The following TANK variants were observed in gnomAD, a reference collection of about 807,000 sequenced individuals.
TANK encodes the protein TRAF family member associated NFKB activator, also known as TRAF family member-associated NF-kappa-B activator.
Under a neutral mutation model 43.6 loss-of-function variants are expected in TANK, and 15 were observed. The ratio of observed to expected loss-of-function variants is 0.34; its 90% CI spans 0.23 to 0.53. The LOEUF (loss-of-function observed/expected upper bound fraction) is 0.53, where lower values mean the gene tolerates loss of function less well. Among genes scored for constraint, TANK ranks in the 20% least tolerant of loss-of-function variants. The probability of loss-of-function intolerance (pLI) is 0.94; values close to 1 mark genes in which losing one functional copy is unlikely to be tolerated. For synonymous variants in TANK, 162 were observed against 178.2 expected (o/e 0.91, Z 0.73); for missense variants, 417 against 498.6 (o/e 0.84, Z 1.56).
intron 2 of TANK, among the ~76,000 whole-genome samples, chr2:161,191,679 T>C (rs187427392): frequency 6.6e-5 from 10 of 152,356 alleles, no homozygotes; most frequent in Admixed American, 5.9e-4. Flanking sequence ...CACAAACTTC[T>C]TGTCTATAAC....
chr2:161,148,063 TG>T (rs1683967455), intron 1 of TANK, among the ~76,000 whole-genome samples: 1 of 152,200 alleles, frequency 6.6e-6, no homozygotes, highest in Non-Finnish European at 1.5e-5. Flanking sequence ...TGGGGTCATT[TG>T]GTAATTCTAT....
At chr2:161,178,612 C>A (rs1685278985) in intron 1 of TANK, among the ~76,000 whole-genome samples, 1 of 151,838 alleles carries the variant, frequency 6.6e-6, no homozygotes, top group Non-Finnish European at 1.5e-5. Flanking sequence ...AATGAATATT[C>A]TAAAAAATAC....
chr2:161,147,391 T>C (rs1683945784), intron 1 of TANK, among the ~76,000 whole-genome samples: 1 of 151,722 alleles, frequency 6.6e-6, no homozygotes, highest in African/African-American at 2.4e-5. Flanking sequence ...AGATTCTAGC[T>C]GAGTGGCTGT....
chr2:161,185,696 A>G (rs1685627085), intron 2 of TANK, among the ~76,000 whole-genome samples: 1 of 117,132 alleles, frequency 8.5e-6, no homozygotes, highest in African/African-American at 3.4e-5. Context: ...GGAATATCAC[A>G]CTCTGGGGAC....
chr2:161,172,976 T>C (rs1403920291), intron 1 of TANK, among the ~76,000 whole-genome samples: 2 of 152,172 alleles, frequency 1.3e-5, no homozygotes, highest in African/African-American at 4.8e-5. Context: ...CTGTTATCTG[T>C]TCTGTCTAAA....
At chr2:161,161,350 A>C in intron 1 of TANK, 1 of 1,550,768 alleles carries the variant, frequency 6.4e-7, no homozygotes, top group Middle Eastern at 1.7e-4. Flanking sequence ...AGCGACGTGA[A>C]ATTGAAGGAA....
intron 7 of TANK, among the ~76,000 whole-genome samples, chr2:161,232,567 T>C (rs888748654): frequency 6.6e-6 from 1 of 152,222 alleles, no homozygotes; most frequent in African/African-American, 2.4e-5. Flanking sequence ...TTCTTGTTCA[T>C]TGTACTTTAT....
Position 161,231,212 on chromosome 2 carries a change from C to G in TANK, c.762C>G (p.Gly254=). Reference sequence around the variant, plus strand: ...TACATAGCACTCCAGAGAGACCCGGCATCCTTAGTCCTGCCACGTCTGAGG... The same window carrying G: ...TACATAGCACTCCAGAGAGACCCGGGATCCTTAGTCCTGCCACGTCTGAGG... ...TFLHSTPERP[G]ILSPATSEAV... is the part of the protein sequence containing the mutation. The change falls in exon 7 of 8, where the codon GGC becomes GGG. Residue 254 remains glycine (G), a synonymous_variant. Transcript: ENST00000392749. The G allele has an allele frequency of 1.9e-6, 3 of 1,614,016 alleles. No individual in the cohort carries two copies. Among genetic ancestry groups the G allele is most frequent in the Non-Finnish European group, 2.5e-6 (3 of 1,180,034 alleles).
At chr2:161,169,552 C>G (rs1573975528) in intron 1 of TANK, among the ~76,000 whole-genome samples, 1 of 152,014 alleles carries the variant, frequency 6.6e-6, no homozygotes, top group African/African-American at 2.4e-5. Flanking sequence ...TCAGTAGTGG[C>G]AGTATTACAT....
chr2:161,218,854 G>A (rs1270970251), intron 4 of TANK, among the ~76,000 whole-genome samples: 1 of 152,130 alleles, frequency 6.6e-6, no homozygotes, highest in Non-Finnish European at 1.5e-5. Context: ...TGTTGCCCAG[G>A]CTGGTTTCAA....
chr2:161,147,922 A>T (rs1452103184), intron 1 of TANK, among the ~76,000 whole-genome samples: 2 of 152,144 alleles, frequency 1.3e-5, no homozygotes, highest in Non-Finnish European at 1.5e-5. Context: ...TCGTCTGTTG[A>T]TGGATAGGGT....
At chr2:161,142,439 G>T (rs780187616) in intron 1 of TANK, among the ~76,000 whole-genome samples, 1 of 152,094 alleles carries the variant, frequency 6.6e-6, no homozygotes, top group Non-Finnish European at 1.5e-5. Context: ...TTCTTCCAAG[G>T]ATTTTATGGT....
rs1309054201 is a variant in TANK, at chr2:161,203,579, T to C, written c.192T>C (p.Leu64=). ...IIDKLKSQLL[L]VNSTQDNNYG... The stretch of plus-strand genomic sequence containing the variant: ...ACAAGCTAAAATCTCAGTTACTTCT[T>C]GTGAATTCCACTCAAGGTATGTTCA... Residue 64 remains leucine (L), a synonymous_variant, in exon 3 of 8, where the codon CTT becomes CTC. Coordinates refer to ENST00000392749, the MANE Select transcript of TANK (RefSeq NM_001199135.3). The C allele has an allele frequency of 1.2e-6, 2 of 1,608,286 alleles. No homozygotes were observed. The highest frequency in any genetic ancestry group is 2.7e-5 in the African/African-American group (2 of 74,734).
chr2:161,194,833 T>C (rs1686073455), intron 2 of TANK, among the ~76,000 whole-genome samples: 1 of 151,116 alleles, frequency 6.6e-6, no homozygotes, highest in Non-Finnish European at 1.5e-5. Flanking sequence ...CATTATTGTT[T>C]ACCACTCTTT....
chr2:161,227,324 G>T (rs775034919), intron 6 of TANK, among the ~76,000 whole-genome samples: 19 of 152,152 alleles, frequency 1.2e-4, no homozygotes, highest in Admixed American at 2.0e-4. Context: ...TAGATCAACT[G>T]CTAGAAAAAT....
intron 6 of TANK, among the ~76,000 whole-genome samples, chr2:161,227,587 C>T (rs1308760331): frequency 6.6e-6 from 1 of 152,172 alleles, no homozygotes; most frequent in Non-Finnish European, 1.5e-5. Flanking sequence ...AATTAATGTA[C>T]ATACAATTAT....
At chr2:161,142,850 A>C (rs946179963) in intron 1 of TANK, among the ~76,000 whole-genome samples, 1 of 152,048 alleles carries the variant, frequency 6.6e-6, no homozygotes, top group African/African-American at 2.4e-5. Flanking sequence ...TTTTTTTCTA[A>C]TTCTGTGAAA....
At position 161,235,514 on chromosome 2, in the gene TANK, C is replaced by G. The variant is rs1688137581; in HGVS notation, c.1274C>G (p.Thr425Ser). The G allele has an allele frequency of 6.2e-7, 1 of 1,609,878 alleles. No individual in the cohort carries two copies. Residue 425 changes from threonine to serine, a missense_variant, in exon 8 of 8, where the codon ACT (threonine) becomes AGT (serine). Physicochemically the swap from Thr to Ser is moderately conservative, Grantham distance 58. Coordinates refer to ENST00000392749, the MANE Select transcript of TANK (RefSeq NM_001199135.3). ...RHLNSHFNGE[T>S] is the part of the protein sequence containing the mutation. ...CTTAATTCACACTTCAATGGAGAGA[C>G]TTAAGACACATTTGAAAACAGACAT...
intron 1 of TANK, chr2:161,161,145 T>TA: frequency 1.4e-6 from 2 of 1,397,574 alleles, no homozygotes; most frequent in Non-Finnish European, 1.9e-6. Flanking sequence ...AGCAACGAGT[T>TA]ACAGGCAAAA....
Sources: gnomAD v4.1 joint callset for allele counts (sites outside exome capture counted in the v4.1 genomes callset) on GRCh38, gnomAD v4.1.1 for gene constraint, MANE v1.5 for transcripts, NCBI Gene and HGNC (gene_info 2026-07-23, HGNC 2026-07-21) for gene names.